CHD9: variants seen among roughly 807,000 people sequenced by gnomAD.
CHD9 encodes the protein chromodomain helicase DNA binding protein 9, also known as ATP-dependent chromatin remodeler CHD9.
Under a neutral mutation model 316.1 loss-of-function variants are expected in CHD9, and 77 were observed. The ratio of observed to expected loss-of-function variants is 0.24; its 90% CI spans 0.20 to 0.29. The LOEUF (loss-of-function observed/expected upper bound fraction) is 0.29. Among genes scored for constraint, CHD9 ranks in the 10% least tolerant of loss-of-function variants. The pLI is 1.00. For synonymous variants in CHD9, 1,129 were observed against 1,158.3 expected (o/e 0.97, Z 0.51); for missense variants, 2,763 against 3,438.1 (o/e 0.80, Z 4.91).
At chr16:53,222,264 A>G (rs966833387) in intron 3 of CHD9, among the ~76,000 whole-genome samples, 1 of 151,854 alleles carries the variant, frequency 6.6e-6, no homozygotes, top group Non-Finnish European at 1.5e-5. Context: ...TTTAGTAGAG[A>G]TGGGTTTCAC....
intron 1 of CHD9, among the ~76,000 whole-genome samples, chr16:53,076,066 A>C (rs1292187021): frequency 2.0e-5 from 3 of 152,084 alleles, no homozygotes; most frequent in Non-Finnish European, 4.4e-5. Context: ...TCTTCTTTGG[A>C]GAAATATCTA....
intron 8 of CHD9, among the ~76,000 whole-genome samples, chr16:53,230,647 A>C (rs2048087705): frequency 6.6e-6 from 1 of 152,096 alleles, no homozygotes; most frequent in Non-Finnish European, 1.5e-5. Flanking sequence ...GAAGAATTTT[A>C]AGTAAAGGAG....
At chr16:53,262,785 T>C (rs972379551) in intron 19 of CHD9, among the ~76,000 whole-genome samples, 1 of 152,240 alleles carries the variant, frequency 6.6e-6, no homozygotes, top group Admixed American at 6.5e-5. Context: ...TATTTAATTC[T>C]GCTCCTAAAC....
chr16:53,254,582 G>A lies in CHD9; in HGVS notation c.4006G>A (p.Gly1336Arg). Residue 1336 changes from glycine to arginine, a missense_variant, in exon 18 of 39, where the codon GGA becomes AGA. Around this residue, in one of 15 missense-constraint regions of CHD9, gnomAD observed 199 missense variants for 251.7 expected, o/e 0.79. Coordinates refer to ENST00000447540, the MANE Select transcript of CHD9 (RefSeq NM_001308319.2). Reference protein sequence around the residue: ...LDKAVLQSMSGRESNVGGIQQ... With the variant: ...LDKAVLQSMSRRESNVGGIQQ... ...TAAAGCTGTGTTACAGAGCATGAGT[G>A]GAAGAGAAAGTAATGTTGGTGGTGT... 1.2e-6 allele frequency: 2 copies of A among 1,605,726 alleles called. No homozygotes were observed. Among genetic ancestry groups the A allele is most frequent in the Non-Finnish European group, 1.7e-6 (2 of 1,175,718 alleles).
chr16:53,189,957 A>G (rs1417238579), intron 2 of CHD9, among the ~76,000 whole-genome samples: 3 of 152,118 alleles, frequency 2.0e-5, no homozygotes, highest in Non-Finnish European at 4.4e-5. Context: ...GATACACTTT[A>G]ATATTACATT....
intron 24 of CHD9, among the ~76,000 whole-genome samples, chr16:53,284,364 T>A (rs1290272467): frequency 2.0e-5 from 3 of 151,280 alleles, no homozygotes; most frequent in African/African-American, 7.3e-5. Flanking sequence ...TATATATATA[T>A]AATATACATA....
At chr16:53,292,728 T>TC (rs971219259) in intron 28 of CHD9, 105 bp from the exon 29 acceptor site, 3 of 813,474 alleles carry the variant, frequency 3.7e-6, no homozygotes, top group South Asian at 3.4e-5. Context: ...TGTTTTTTTT[T>TC]CCCCACATAG....
chr16:53,238,244 A>T, intron 11 of CHD9, 99 bp from the exon 12 acceptor site: 1 of 1,112,478 alleles, frequency 9.0e-7, no homozygotes, highest in East Asian at 2.6e-5. Context: ...TTATAAATGC[A>T]ACTATTTTAT....
intron 3 of CHD9, among the ~76,000 whole-genome samples, chr16:53,214,582 C>G (rs2046589072): frequency 2.0e-5 from 3 of 151,984 alleles, no homozygotes; most frequent in Admixed American, 2.0e-4. Flanking sequence ...GATTTTACTG[C>G]TTGCATGTAA....
At chr16:53,277,559 A>G (rs926089787) in intron 24 of CHD9, among the ~76,000 whole-genome samples, 2 of 152,214 alleles carry the variant, frequency 1.3e-5, no homozygotes, top group Non-Finnish European at 2.9e-5. Flanking sequence ...TTTATGATTA[A>G]AACTCTCAGC....
At chr16:53,115,820 A>C (rs182017014) in intron 1 of CHD9, among the ~76,000 whole-genome samples, 9 of 152,338 alleles carry the variant, frequency 5.9e-5, no homozygotes, top group Admixed American at 2.0e-4. Flanking sequence ...AGTGTTAGGA[A>C]GGAAATAAAC....
Position 53,156,545 on chromosome 16 carries a change from A to G in CHD9, c.456A>G (p.Gln152=), listed in dbSNP as rs201595315. ...AAGGACATTCACACTCTATGCATCA[A>G]AATAAAAGCTTTGTGGCACACCATG... ...HQQGHSHSMH[Q]NKSFVAHHDF... The change falls in exon 2 of 39, where the codon CAA becomes CAG. Residue 152 remains glutamine (Q), a synonymous_variant. Transcript: ENST00000447540. 8.1e-6 allele frequency: 13 copies of G among 1,614,022 alleles called. No homozygotes were observed. Among genetic ancestry groups the G allele is most frequent in the Admixed American group, 5.0e-5 (3 of 60,026 alleles).
At chr16:53,296,648 T>C (rs2054830656) in intron 29 of CHD9, among the ~76,000 whole-genome samples, 2 of 152,096 alleles carry the variant, frequency 1.3e-5, no homozygotes, top group East Asian at 1.9e-4. Context: ...GGTTTCACCA[T>C]GTTAGCCAGT....
intron 1 of CHD9, among the ~76,000 whole-genome samples, chr16:53,059,907 TA>T (rs2032652482): frequency 6.6e-6 from 1 of 152,202 alleles, no homozygotes; most frequent in Non-Finnish European, 1.5e-5. Flanking sequence ...CACTGTAGAG[TA>T]AAAGCAGCCG....
At chr16:53,130,084 G>A (rs978255092) in intron 1 of CHD9, among the ~76,000 whole-genome samples, 1 of 152,194 alleles carries the variant, frequency 6.6e-6, no homozygotes, top group Non-Finnish European at 1.5e-5. Flanking sequence ...CTGTGCAATG[G>A]AGAACGGGAG....
intron 2 of CHD9, among the ~76,000 whole-genome samples, chr16:53,201,683 G>A (rs1404888802): frequency 6.6e-6 from 1 of 152,042 alleles, no homozygotes; most frequent in African/African-American, 2.4e-5. Context: ...GCCACCAACA[G>A]CTGTCAATTT....
At chr16:53,111,839 G>A (rs908076883) in intron 1 of CHD9, among the ~76,000 whole-genome samples, 1 of 152,154 alleles carries the variant, frequency 6.6e-6, no homozygotes, top group African/African-American at 2.4e-5. Context: ...ACTAGAACAA[G>A]TCTGAAAATC....
At chr16:53,268,791 A>G (rs1242367679) in intron 22 of CHD9, among the ~76,000 whole-genome samples, 4 of 152,112 alleles carry the variant, frequency 2.6e-5, no homozygotes, top group African/African-American at 9.7e-5. Flanking sequence ...TTAAATTTTC[A>G]TAATACTTTT....
rs529302992 is a variant in CHD9 at position 53,122,835 on chromosome 16, T to A, written c.-164-33091T>A. Among the ~76,000 whole-genome samples the A allele has an allele frequency of 2.0e-3, 308 of 151,998 alleles. 1 individual carries two copies. The highest frequency in any genetic ancestry group is 7.1e-3 in the African/African-American group (295 of 41,476). ...CATTCTCCTGCCTCAGCCTCCCGAG[T>A]AGCTGGGACTATAGGCGCCCGCTAC... is the stretch of plus-strand genomic sequence containing the variant. On this transcript the variant is annotated intron_variant, in intron 1 of 38. Coordinates refer to ENST00000447540, the MANE Select transcript of CHD9 (RefSeq NM_001308319.2).
Sources: gnomAD v4.1 joint callset for allele counts (sites outside exome capture counted in the v4.1 genomes callset) on GRCh38, gnomAD v4.1.1 for gene constraint, gnomAD v4.1.1 regional missense constraint, MANE v1.5 for transcripts, NCBI Gene and HGNC (gene_info 2026-07-23, HGNC 2026-07-21) for gene names.